The following GPC5 variants were observed in gnomAD, a reference collection of about 807,000 sequenced individuals.
GPC5 encodes the protein glypican 5.
Under a neutral mutation model 53.9 loss-of-function variants are expected in GPC5, and 47 were observed. The observed-to-expected ratio is 0.87, with a 90% CI of 0.69 to 1.11. GPC5 has a LOEUF of 1.11. GPC5 is among the 50% of genes most tolerant of loss of function. The probability of loss-of-function intolerance (pLI) is 0.00; values close to 1 mark genes in which losing one functional copy is unlikely to be tolerated. For synonymous variants in GPC5, 286 were observed against 263.3 expected (o/e 1.09, Z -0.84); for missense variants, 748 against 713.1 (o/e 1.05, Z -0.56).
chr13:92,786,068 G>A (rs1250299996), intron 7 of GPC5, among the ~76,000 whole-genome samples: 1 of 152,046 alleles, frequency 6.6e-6, no homozygotes, highest in Non-Finnish European at 1.5e-5. Flanking sequence ...CCTGAATTGG[G>A]GTACAAATTG....
chr13:92,694,033 G>T (rs1236803634), intron 7 of GPC5, among the ~76,000 whole-genome samples: 4 of 152,208 alleles, frequency 2.6e-5, no homozygotes, highest in African/African-American at 9.7e-5. Context: ...AGGGGCCCAG[G>T]TGCAACTGGG....
At chr13:92,692,736 G>T (rs1439419157) in intron 7 of GPC5, among the ~76,000 whole-genome samples, 1 of 113,932 alleles carries the variant, frequency 8.8e-6, no homozygotes, top group Non-Finnish European at 1.7e-5. Flanking sequence ...TTCCTCCAAA[G>T]CCTCACCAAT....
intron 7 of GPC5, among the ~76,000 whole-genome samples, chr13:92,644,690 T>C (rs1885707899): frequency 6.6e-6 from 1 of 152,174 alleles, no homozygotes; most frequent in Admixed American, 6.5e-5. Flanking sequence ...GCATGAAATA[T>C]TGTAATATAT....
At chr13:91,838,383 A>G (rs2038745979) in intron 5 of GPC5, among the ~76,000 whole-genome samples, 1 of 151,982 alleles carries the variant, frequency 6.6e-6, no homozygotes, top group South Asian at 2.1e-4. Context: ...TTATTCAATA[A>G]TTTTCATAAC....
At chr13:92,758,936 G>C (rs1209212319) in intron 7 of GPC5, among the ~76,000 whole-genome samples, 3 of 141,652 alleles carry the variant, frequency 2.1e-5, no homozygotes, top group Admixed American at 7.2e-5. Flanking sequence ...CAATTTCATT[G>C]GTTTATTTTC....
rs113038567 is a variant in GPC5, at chr13:92,446,031, G to A, written c.1561+301042G>A. On this transcript the variant is annotated intron_variant, in intron 7 of 7. Transcript: ENST00000377067. ...GTATTTTGATACAGGCATGTAATGTGTAATAATTACATCAATGTAACTGGA... is the reference window on the plus strand; with the variant it reads ...GTATTTTGATACAGGCATGTAATGTATAATAATTACATCAATGTAACTGGA... Among the ~76,000 whole-genome samples, 1,109 of 152,076 alleles carry A rather than the reference G, an allele frequency of 7.3e-3. 16 individuals are homozygous for A. The highest frequency in any genetic ancestry group is 0.026 in the African/African-American group (1,062 of 41,472).
chr13:91,718,308 C>T (rs2036389755), intron 3 of GPC5, among the ~76,000 whole-genome samples: 2 of 152,106 alleles, frequency 1.3e-5, no homozygotes, highest in South Asian at 2.1e-4. Flanking sequence ...GATGGGGTTT[C>T]ACCATGTTAG....
rs528349017 is a variant in GPC5, at chr13:92,133,640, G to A, written c.1402-11190G>A. ...TCCTCCCTCCCTCTCTCCCTTCTAT[G>A]CTTTTTGTTTCTTTTCTATCTTTCA... On this transcript the variant is annotated intron_variant, in intron 6 of 7. Transcript: ENST00000377067. Among the ~76,000 whole-genome samples, 4 of 152,180 alleles carry A rather than the reference G, an allele frequency of 2.6e-5. No individual in the cohort carries two copies. The South Asian group carries it at 6.2e-4, about 24-fold the overall frequency.
chr13:91,458,657 T>G lies in GPC5; in HGVS notation c.325+9735T>G, dbSNP rs145555243. ...GGCACTTTTACACTACTGGTGGGAA[T>G]GTAAACTACCCTGATTACATTGATC... On this transcript the variant is annotated intron_variant, in intron 2 of 7. Transcript: ENST00000377067. 4.2e-3 allele frequency among the ~76,000 whole-genome samples: 636 copies of G among 152,252 alleles called. 2 individuals carry two copies. The highest frequency in any genetic ancestry group is 0.014 in the Middle Eastern group (4 of 294).
chr13:92,255,252 G>C (rs1431320129), intron 7 of GPC5, among the ~76,000 whole-genome samples: 10 of 152,086 alleles, frequency 6.6e-5, no homozygotes, highest in Non-Finnish European at 1.3e-4. Flanking sequence ...ACATGTCAGT[G>C]AAACAACACT....
chr13:91,643,206 A>C (rs2034476058), intron 2 of GPC5, among the ~76,000 whole-genome samples: 1 of 152,196 alleles, frequency 6.6e-6, no homozygotes, highest in African/African-American at 2.4e-5. Flanking sequence ...AGCAAGAAAA[A>C]GATAAAGCCT....
At chr13:92,484,156 C>T (rs72640236) in intron 7 of GPC5, among the ~76,000 whole-genome samples, 25,847 of 151,952 alleles carry the variant, frequency 0.17, 2,219 homozygotes, top group Middle Eastern at 0.21. Flanking sequence ...AAAATCAAAA[C>T]ATCTGGGCCT....
intron 6 of GPC5, among the ~76,000 whole-genome samples, chr13:92,013,283 C>T (rs2040678194): frequency 1.3e-5 from 2 of 152,164 alleles, no homozygotes; most frequent in Admixed American, 1.3e-4. Context: ...TGGCTCTCAG[C>T]AGAGAGGGGA....
intron 7 of GPC5, among the ~76,000 whole-genome samples, chr13:92,818,203 G>T (rs1451072961): frequency 1.3e-5 from 2 of 151,530 alleles, no homozygotes; most frequent in African/African-American, 4.9e-5. Context: ...TAAAGATGGG[G>T]TTCACCATAT....
At chr13:92,239,650 A>G (rs965989899) in intron 7 of GPC5, among the ~76,000 whole-genome samples, 1 of 152,028 alleles carries the variant, frequency 6.6e-6, no homozygotes, top group Admixed American at 6.6e-5. Context: ...AAACAACAAT[A>G]TATCAGATTC....
chr13:92,473,327 C>T (rs571994972), intron 7 of GPC5, among the ~76,000 whole-genome samples: 39 of 152,154 alleles, frequency 2.6e-4, no homozygotes, highest in African/African-American at 8.9e-4. Context: ...TTTATTTATA[C>T]TCGATCACAC....
At chr13:92,661,386 T>C (rs1886337696) in intron 7 of GPC5, among the ~76,000 whole-genome samples, 1 of 151,890 alleles carries the variant, frequency 6.6e-6, no homozygotes, top group Non-Finnish European at 1.5e-5. Context: ...TTGTCAACAC[T>C]CAGTGTATAA....
At chr13:92,297,951 C>T (rs1423772674) in intron 7 of GPC5, among the ~76,000 whole-genome samples, 1 of 152,096 alleles carries the variant, frequency 6.6e-6, no homozygotes, top group East Asian at 1.9e-4. Context: ...CGAACAACTC[C>T]AGATGTGCCA....
chr13:91,982,311 G>A (rs1332362508), intron 6 of GPC5, among the ~76,000 whole-genome samples: 1 of 152,208 alleles, frequency 6.6e-6, no homozygotes, highest in Non-Finnish European at 1.5e-5. Context: ...ATATTCAAAT[G>A]TGTGAGAGGT....
Sources: gnomAD v4.1 joint callset for allele counts (sites outside exome capture counted in the v4.1 genomes callset) on GRCh38, gnomAD v4.1.1 for gene constraint, MANE v1.5 for transcripts, NCBI Gene and HGNC (gene_info 2026-07-23, HGNC 2026-07-21) for gene names.